The following QRFPR variants were observed in gnomAD, a reference collection of about 807,000 sequenced individuals.
QRFPR encodes pyroglutamylated RFamide peptide receptor.
Under a neutral mutation model 31.3 loss-of-function variants are expected in QRFPR, and 37 were observed. That is an observed-to-expected ratio of 1.18 (90% CI 0.91 to 1.56). The LOEUF (loss-of-function observed/expected upper bound fraction) is 1.56, where lower values mean the gene tolerates loss of function less well. Ranked by LOEUF, QRFPR falls within the 40% of genes most tolerant of loss-of-function variation. The pLI, the probability that QRFPR is intolerant of heterozygous loss-of-function variation, is 0.00. For missense variants in QRFPR, 542 were observed against 532.5 expected, an observed-to-expected ratio of 1.02 and a Z score of -0.18; for synonymous variants, 197 against 192.0, an observed-to-expected ratio of 1.03 and a Z score of -0.22.
At chr4:121,330,222 T>C (rs1327572938) in intron 5 of QRFPR, among the ~76,000 whole-genome samples, 1 of 152,210 alleles carries the variant, frequency 6.6e-6, no homozygotes, top group African/African-American at 2.4e-5. Context: ...GCTTTGATCT[T>C]CTGTAATTAT....
chr4:121,346,113 C>T (rs1398980354), intron 1 of QRFPR, among the ~76,000 whole-genome samples: 2 of 152,132 alleles, frequency 1.3e-5, no homozygotes, highest in Non-Finnish European at 2.9e-5. Flanking sequence ...AGACACATTG[C>T]AGTTTCATAA....
rs893252986 is a variant in QRFPR, at chr4:121,381,006, G to A, written c.-359C>T. The A allele has an allele frequency of 1.9e-5, 4 of 205,324 alleles. No individual in the cohort carries two copies. Among genetic ancestry groups the A allele is most frequent in the Admixed American group, 1.2e-4 (2 of 16,878 alleles). The allele number at this position is 205,324 out of a possible 1,614,324, so 12.7% of individuals were successfully genotyped here. A position where few individuals can be genotyped will look rare whatever the true frequency, so the allele number is the denominator to read the frequency against. The stretch of plus-strand genomic sequence containing the variant: ...AGGGTCCTGGCGCCTCTGGCTCCCC[G>A]CCTTCTGGCCATGCGATGCGGACGC... On this transcript the variant is annotated 5_prime_UTR_variant, in exon 1 of 6. Coordinates refer to ENST00000394427, the MANE Select transcript of QRFPR (RefSeq NM_198179.3).
At chr4:121,350,281 A>C (rs1463339980) in intron 1 of QRFPR, among the ~76,000 whole-genome samples, 1 of 152,168 alleles carries the variant, frequency 6.6e-6, no homozygotes, top group Non-Finnish European at 1.5e-5. Flanking sequence ...GTGTTAGAAG[A>C]GTCAGGCACT....
intron 1 of QRFPR, among the ~76,000 whole-genome samples, chr4:121,380,023 C>G (rs1726441070): frequency 6.6e-6 from 1 of 151,984 alleles, no homozygotes; most frequent in South Asian, 2.1e-4. Context: ...CAACCTATGT[C>G]TCTAAGCCAC....
rs908040507 is a variant in QRFPR at position 121,329,669 on chromosome 4, A to G, written c.941T>C (p.Phe314Ser). Residue 314 changes from phenylalanine to serine, a missense_variant, in exon 6 of 6, where the codon TTT becomes TCT. Phe to Ser is a radical substitution (Grantham distance 155, BLOSUM62 -2). Transcript: ENST00000394427. The part of the protein sequence containing the change: ...EYDDVTIKMI[F>S]AIVQIIGFSN... ...AAATCCAATAATTTGCACGATAGCA[A>G]AAATCATCTTGATTGTGACATCATC... 6.3e-7 allele frequency: 1 copy of G among 1,576,250 alleles called. No individual in the cohort carries two copies. The highest frequency in any genetic ancestry group is 8.6e-7 in the Non-Finnish European group (1 of 1,161,578).
chr4:121,364,904 G>T (rs1309099372), intron 1 of QRFPR, among the ~76,000 whole-genome samples: 3 of 149,372 alleles, frequency 2.0e-5, no homozygotes, highest in African/African-American at 7.5e-5. Flanking sequence ...TAATAAGCAG[G>T]TCTTTGTTTA....
intron 1 of QRFPR, among the ~76,000 whole-genome samples, chr4:121,365,899 A>T (rs781588781): frequency 6.8e-6 from 1 of 146,684 alleles, no homozygotes; most frequent in African/African-American, 2.6e-5. Flanking sequence ...ACAGACTTCT[A>T]TGAATATGTA....
intron 1 of QRFPR, among the ~76,000 whole-genome samples, chr4:121,343,674 G>A (rs1725589302): frequency 6.6e-6 from 1 of 151,788 alleles, no homozygotes; most frequent in Non-Finnish European, 1.5e-5. Context: ...CTCTTTTCTT[G>A]CAAATTTAAT....
chr4:121,350,458 G>C (rs577485419), intron 1 of QRFPR, among the ~76,000 whole-genome samples: 1 of 152,268 alleles, frequency 6.6e-6, no homozygotes, highest in African/African-American at 2.4e-5. Context: ...TGATTTCTCA[G>C]CGTGACATTT....
chr4:121,356,720 T>G (rs1362605195), intron 1 of QRFPR, among the ~76,000 whole-genome samples: 1 of 152,086 alleles, frequency 6.6e-6, no homozygotes, highest in Non-Finnish European at 1.5e-5. Flanking sequence ...CCAGACAAAG[T>G]CTCCAGCTCT....
chr4:121,329,355 A>G lies in QRFPR; in HGVS notation c.1255T>C (p.Ser419Pro). Residue 419 changes from serine to proline, a missense_variant, in exon 6 of 6, where the codon TCT (serine) becomes CCT (proline). By Grantham distance (74) the Ser-to-Pro change is moderately conservative. Transcript: ENST00000394427. Reference protein sequence around the residue: ...KLKRHLALFRSELAENSPLDS... With the variant: ...KLKRHLALFRPELAENSPLDS... ...AAAGGAGAATTCTCAGCCAGTTCAG[A>G]CCTAAAGAGAGCAAGATGTCGTTTG... 1 of 1,614,084 alleles carries G rather than the reference A, an allele frequency of 6.2e-7. No individual in the cohort carries two copies. Among genetic ancestry groups the G allele is most frequent in the Non-Finnish European group, 8.5e-7 (1 of 1,179,972 alleles).
At chr4:121,334,607 T>G (rs1285312967) in intron 3 of QRFPR, 1 of 382,576 alleles carries the variant, frequency 2.6e-6, no homozygotes, top group South Asian at 2.0e-5. Flanking sequence ...TATATTTCTA[T>G]TCAGGGTAAA....
At chr4:121,358,406 C>T (rs1361859626) in intron 1 of QRFPR, among the ~76,000 whole-genome samples, 2 of 152,170 alleles carry the variant, frequency 1.3e-5, no homozygotes, top group Non-Finnish European at 2.9e-5. Flanking sequence ...AAGAGATGTA[C>T]ACAATCAGCT....
At chr4:121,376,221 T>G (rs543475864) in intron 1 of QRFPR, among the ~76,000 whole-genome samples, 14 of 152,282 alleles carry the variant, frequency 9.2e-5, no homozygotes, top group African/African-American at 3.1e-4. Context: ...GTGCAGAGAA[T>G]CGCCACTTCT....
chr4:121,372,207 G>A (rs935999561), intron 1 of QRFPR, among the ~76,000 whole-genome samples: 7 of 152,060 alleles, frequency 4.6e-5, no homozygotes, highest in African/African-American at 1.4e-4. Flanking sequence ...CTCCTCAATA[G>A]GCTTTTCTTC....
intron 1 of QRFPR, among the ~76,000 whole-genome samples, chr4:121,376,917 A>G (rs1726365151): frequency 6.6e-6 from 1 of 152,212 alleles, no homozygotes; most frequent in Non-Finnish European, 1.5e-5. Context: ...ACAATTGAGA[A>G]CCTTGTTAAA....
rs566255993 is a variant in QRFPR at position 121,328,711 on chromosome 4, A to T, written c.*603T>A. ...ACCCTGATTTCTGTACAAGATTTTT[A>T]AAAATCCACTGAAATAATCTTAAAA... is the stretch of plus-strand genomic sequence containing the variant. On this transcript the variant is annotated 3_prime_UTR_variant, in exon 6 of 6. Coordinates refer to ENST00000394427, the MANE Select transcript of QRFPR (RefSeq NM_198179.3). Among the ~76,000 whole-genome samples, 3 of 152,354 alleles carry T rather than the reference A, an allele frequency of 2.0e-5. No individual in the cohort carries two copies. The highest frequency in any genetic ancestry group is 2.0e-4 in the Admixed American group (3 of 15,308).
chr4:121,343,993 T>C (rs1270977784), intron 1 of QRFPR, among the ~76,000 whole-genome samples: 1 of 152,224 alleles, frequency 6.6e-6, no homozygotes, highest in Admixed American at 6.5e-5. Context: ...CCATCTGTCA[T>C]AGGACTGATG....
intron 1 of QRFPR, chr4:121,370,453 G>C: frequency 1.9e-6 from 1 of 537,788 alleles, no homozygotes; most frequent in Non-Finnish European, 3.5e-6. Flanking sequence ...ACATGGTCCA[G>C]CTGCTGCAAA....
Sources: gnomAD v4.1 joint callset for allele counts (sites outside exome capture counted in the v4.1 genomes callset) on GRCh38, gnomAD v4.1.1 for gene constraint, MANE v1.5 for transcripts, NCBI Gene and HGNC (gene_info 2026-07-23, HGNC 2026-07-21) for gene names.